Variants in GLYATL2 observed in about 807,000 individuals in gnomAD.
GLYATL2 encodes the protein glycine N-acyltransferase-like protein 2.
Under a neutral mutation model 21.4 loss-of-function variants are expected in GLYATL2, and 25 were observed. The ratio of observed to expected loss-of-function variants is 1.17; its 90% CI spans 0.85 to 1.63. The LOEUF (loss-of-function observed/expected upper bound fraction) is 1.63, where lower values mean the gene tolerates loss of function less well. GLYATL2 is among the 40% of genes most tolerant of loss of function. GLYATL2 has a pLI of 0.00. For missense variants in GLYATL2, 361 were observed against 343.3 expected (o/e 1.05, Z -0.41); for synonymous variants, 114 against 118.2 (o/e 0.96, Z 0.23).
rs183003574 is a variant in GLYATL2, at chr11:58,870,725, G to C, written n.61-32357C>G. 3.9e-5 allele frequency among the ~76,000 whole-genome samples: 6 copies of C among 152,322 alleles called. No homozygotes were observed. In the East Asian group the frequency reaches 5.8e-4, roughly 15 times the overall value. ...TCTGTCAGTCCTCCTTGCTCCACAA[G>C]TCCTACAGAGGAAATACAGGAAGGC... is the stretch of plus-strand genomic sequence containing the variant. On this transcript the variant is annotated intron_variant and non_coding_transcript_variant, in intron 1 of 4. Transcript: ENST00000533636.
Position 58,890,648 on chromosome 11 carries a change from A to G in GLYATL2, n.60+13508T>C, listed in dbSNP as rs181920611. The stretch of plus-strand genomic sequence containing the variant: ...TGTTTTTTTGAAAGTCAATTTTGAT[A>G]GTTTATTCTTGAGGGATAACATCCA... On this transcript the variant is annotated intron_variant and non_coding_transcript_variant, in intron 1 of 4. Transcript: ENST00000533636. Among the ~76,000 whole-genome samples the G allele has an allele frequency of 3.2e-3, 481 of 152,210 alleles. 4 individuals are homozygous for G. Among genetic ancestry groups the G allele is most frequent in the African/African-American group, 0.011 (467 of 41,552 alleles).
Position 58,837,183 on chromosome 11 carries a change from G to A in GLYATL2, c.314-6C>T. Reference sequence around the variant, plus strand: ...ATCCAAGCCCTCTTGGCAACCTGGAGAAAGGAGAAAGACAAGTACCACTTT... The same window carrying A: ...ATCCAAGCCCTCTTGGCAACCTGGAAAAAGGAGAAAGACAAGTACCACTTT... On this transcript the variant is annotated splice_region_variant and splice_polypyrimidine_tract_variant and intron_variant, in intron 4 of 5. Coordinates refer to ENST00000287275, the MANE Select transcript of GLYATL2 (RefSeq NM_145016.4). 1.2e-6 allele frequency: 2 copies of A among 1,613,368 alleles called. No individual in the cohort carries two copies. The highest frequency in any genetic ancestry group is 2.2e-5 in the East Asian group (1 of 44,864).
chr11:58,867,182 C>A (rs1030771950), intron 1 of GLYATL2, among the ~76,000 whole-genome samples: 1 of 148,432 alleles, frequency 6.7e-6, no homozygotes, highest in African/African-American at 2.4e-5. Flanking sequence ...ATGAAGTATG[C>A]CAACACATAA....
rs538685258 is a variant in GLYATL2, at chr11:58,872,666, C to T, written n.60+31490G>A. On this transcript the variant is annotated intron_variant and non_coding_transcript_variant, in intron 1 of 4. Transcript: ENST00000533636. The stretch of plus-strand genomic sequence containing the variant: ...TATGTCTCTGTTTTGGTGCCAGCAC[C>T]GTGCTGTTTTGGTTACTGTAGCCTT... Among the ~76,000 whole-genome samples, 255 of 152,324 alleles carry T rather than the reference C, an allele frequency of 1.7e-3. 2 individuals are homozygous for T. Among genetic ancestry groups the T allele is most frequent in the African/African-American group, 5.8e-3 (242 of 41,570 alleles).
At chr11:58,834,885 A>G (rs1196024270) in intron 5 of GLYATL2, 48 bp from the exon 6 acceptor site, 102 of 1,408,172 alleles carry the variant, frequency 7.2e-5, no homozygotes, top group Non-Finnish European at 9.4e-5. Context: ...ATTACCAAAC[A>G]CTGGAATTTC....
chr11:58,880,160 C>T (rs368560952), intron 1 of GLYATL2, among the ~76,000 whole-genome samples: 2 of 152,248 alleles, frequency 1.3e-5, no homozygotes, highest in East Asian at 3.9e-4. Context: ...GCCCGGCCAA[C>T]AGTTTCTTAA....
At chr11:58,902,079 T>C (rs1854749806) in intron 1 of GLYATL2, among the ~76,000 whole-genome samples, 1 of 152,100 alleles carries the variant, frequency 6.6e-6, no homozygotes, top group Non-Finnish European at 1.5e-5. Flanking sequence ...GGGGTCTATA[T>C]GGGAAGTGTT....
intron 1 of GLYATL2, among the ~76,000 whole-genome samples, chr11:58,872,810 A>T (rs1184485642): frequency 6.6e-6 from 1 of 152,204 alleles, no homozygotes; most frequent in Non-Finnish European, 1.5e-5. Flanking sequence ...AGTTTTTTCC[A>T]ATTCTGTGAA....
chr11:58,835,472 T>C (rs1853412771), intron 5 of GLYATL2, among the ~76,000 whole-genome samples: 1 of 152,228 alleles, frequency 6.6e-6, no homozygotes, highest in South Asian at 2.1e-4. Context: ...TCTTGTTTAC[T>C]TGGTTTTCTT....
At chr11:58,887,991 T>C (rs1169477222) in intron 1 of GLYATL2, among the ~76,000 whole-genome samples, 1 of 152,196 alleles carries the variant, frequency 6.6e-6, no homozygotes, top group East Asian at 1.9e-4. Flanking sequence ...TCACCAGCAC[T>C]GAATGTTGTC....
rs761862972 is a variant in GLYATL2 at position 58,834,719 on chromosome 11, A to G, written c.595T>C (p.Phe199Leu). Residue 199 changes from phenylalanine (F) to leucine (L), a missense_variant, in exon 6 of 6, where the codon TTT (phenylalanine) becomes CTT (leucine). Phe to Leu is a conservative substitution (Grantham distance 22). Coordinates refer to ENST00000287275, the MANE Select transcript of GLYATL2 (RefSeq NM_145016.4). ...GGACCCAGCACACCAAATCCTAGAA[A>G]ATCCTGGAGGCAGCGTTCAATATAT... Reference protein sequence around the residue: ...LKYIERCLQDFLGFGVLGPEG... With the variant: ...LKYIERCLQDLLGFGVLGPEG... The G allele has an allele frequency of 3.3e-5, 54 of 1,613,656 alleles. No individual in the cohort carries two copies. The South Asian group carries it at 5.2e-4, about 15-fold the overall frequency.
chr11:58,838,360 GCCATATA>G lies in GLYATL2; in HGVS notation c.80_86del (p.Val27AlafsTer6), dbSNP rs1565087934. 1.2e-6 allele frequency: 2 copies of G among 1,605,984 alleles called. No individual in the cohort carries two copies. The highest frequency in any genetic ancestry group is 1.7e-6 in the Non-Finnish European group (2 of 1,173,070). On this transcript the variant is annotated frameshift_variant and splice_region_variant, in exon 3 of 6. Coordinates refer to ENST00000287275, the MANE Select transcript of GLYATL2 (RefSeq NM_145016.4). LOFTEE classifies it high-confidence loss of function. ...TTTTATCTTTTATGTTGAAAATGGC[GCCATATA>G]CCTACGATGCAACAGAACAAAGCAG...
intron 1 of GLYATL2, among the ~76,000 whole-genome samples, chr11:58,852,307 AT>A (rs1853756219): frequency 6.6e-6 from 1 of 152,208 alleles, no homozygotes; most frequent in Non-Finnish European, 1.5e-5. Flanking sequence ...AGGAAGAAGA[AT>A]TTGCTATTAC....
intron 1 of GLYATL2, among the ~76,000 whole-genome samples, chr11:58,841,037 C>T (rs866318006): frequency 7.2e-4 from 110 of 151,918 alleles, no homozygotes; most frequent in Middle Eastern, 6.8e-3. Flanking sequence ...GCCATATACA[C>T]GGCTGACAAT....
chr11:58,890,632 G>A (rs189209217), intron 1 of GLYATL2, among the ~76,000 whole-genome samples: 1 of 152,002 alleles, frequency 6.6e-6, no homozygotes, highest in East Asian at 1.9e-4. Context: ...CTGTTTTTTT[G>A]AAAGTCAATT....
chr11:58,907,610 A>G (rs772482074), upstream of GLYATL2: 1 of 322,708 alleles, frequency 3.1e-6, no homozygotes, highest in East Asian at 7.6e-5. Flanking sequence ...TCACTTCTGG[A>G]TCTGTCTCTA....
chr11:58,907,287 C>T (rs1854920768), upstream of GLYATL2: 1 of 456,172 alleles, frequency 2.2e-6, no homozygotes, highest in African/African-American at 2.0e-5. Context: ...ACCTTGGTCT[C>T]TCAGCTTTGT....
At chr11:58,836,314 A>G (rs945753297) in intron 5 of GLYATL2, among the ~76,000 whole-genome samples, 1 of 152,104 alleles carries the variant, frequency 6.6e-6, no homozygotes, top group African/African-American at 2.4e-5. Flanking sequence ...GCTGCATAGT[A>G]TTCTAATGTT....
intron 1 of GLYATL2, chr11:58,893,010 G>A (rs752089096): frequency 3.1e-6 from 1 of 325,438 alleles, no homozygotes; most frequent in Non-Finnish European, 5.9e-6. Flanking sequence ...AACAAGAGGA[G>A]TGCCTGGGAT....
Sources: allele counts gnomAD v4.1 joint callset (sites outside exome capture counted in the v4.1 genomes callset), GRCh38; gene constraint gnomAD v4.1.1; transcripts MANE v1.5; gene names NCBI Gene and HGNC (gene_info 2026-07-23, HGNC 2026-07-21).